Variants in PCDHGA5 observed in about 807,000 individuals in gnomAD.
PCDHGA5 encodes protocadherin gamma-A5.
In PCDHGA5, 36 loss-of-function variants were observed where a neutral mutation model predicts 56.7. That is an observed-to-expected ratio of 0.64 (90% CI 0.49 to 0.84). The LOEUF is 0.84. PCDHGA5 is among the 40% of genes least tolerant of loss of function. PCDHGA5 has a pLI of 0.00. For synonymous variants in PCDHGA5, 563 were observed against 520.2 expected (o/e 1.08, Z -1.12); for missense variants, 1,305 against 1,201.5 (o/e 1.09, Z -1.27).
At chr5:141,435,728 A>T (rs549219746) in intron 1 of PCDHGA5, among the ~76,000 whole-genome samples, 1 of 152,200 alleles carries the variant, frequency 6.6e-6, no homozygotes, top group Non-Finnish European at 1.5e-5. Flanking sequence ...GCTAAAGTGT[A>T]TTACTCTTTG....
At position 141,476,638 on chromosome 5, in the gene PCDHGA5, G is replaced by A. The variant is rs997136356; in HGVS notation, c.2422-18169G>A. On this transcript the variant is annotated intron_variant, in intron 1 of 3. Transcript: ENST00000518069. This position sits in a 1 kb window ranked among gnomAD's most constrained non-coding sequence, Gnocchi z 7.6. ...GCAACTCTTTACAAACCTATGAGCT[G>A]AGCCGAAATGAATACTTTGCGCTTC... 1.9e-6 allele frequency: 3 copies of A among 1,614,268 alleles called. No homozygotes were observed. Among genetic ancestry groups the A allele is most frequent in the Middle Eastern group, 1.6e-4 (1 of 6,062 alleles).
chr5:141,487,661 C>A lies in PCDHGA5; in HGVS notation c.2422-7146C>A. ...ACAAATGCTTGAGGGTTATTCTGATCCAGGCATATGGCTAGGCCATGTCCT... is the reference window on the plus strand; with the variant it reads ...ACAAATGCTTGAGGGTTATTCTGATACAGGCATATGGCTAGGCCATGTCCT... On this transcript the variant is annotated intron_variant, in intron 1 of 3. Transcript: ENST00000518069. This position sits in a 1 kb window ranked among gnomAD's most constrained non-coding sequence, Gnocchi z 5.0. The A allele has an allele frequency of 6.2e-7, 1 of 1,613,366 alleles. No homozygotes were observed. Among genetic ancestry groups the A allele is most frequent in the Non-Finnish European group, 8.5e-7 (1 of 1,179,646 alleles).
Position 141,364,525 on chromosome 5 carries a change from C to T in PCDHGA5, c.195C>T (p.Arg65=), listed in dbSNP as rs763615712. The T allele has an allele frequency of 6.2e-7, 1 of 1,613,944 alleles. No individual in the cohort carries two copies. Among genetic ancestry groups the T allele is most frequent in the African/African-American group, 1.3e-5 (1 of 74,954 alleles). Residue 65 remains arginine, a synonymous_variant, in exon 1 of 4, where the codon CGC becomes CGT. Transcript: ENST00000518069. ...EPQELAERGV[R]IVSRGRTQLF... ...AGGAGCTGGCGGAGCGCGGAGTCCGCATCGTCTCCAGAGGTAGGACGCAGC... is the reference window on the plus strand; with the variant it reads ...AGGAGCTGGCGGAGCGCGGAGTCCGTATCGTCTCCAGAGGTAGGACGCAGC...
At position 141,371,889 on chromosome 5, in the gene PCDHGA5, C is replaced by T. The variant is rs778087129; in HGVS notation, c.2421+5138C>T. 5 of 1,613,316 alleles carry T rather than the reference C, an allele frequency of 3.1e-6. No individual in the cohort carries two copies. The East Asian group carries it at 6.7e-5, about 22-fold the overall frequency. On this transcript the variant is annotated intron_variant, in intron 1 of 3. Coordinates refer to ENST00000518069, the MANE Select transcript of PCDHGA5 (RefSeq NM_018918.3). ...CATCGTGGCCAGTGACCTGGAGCCG[C>T]GGGAGCTGTCGTCCTACGTGTCCGT...
At chr5:141,498,338 G>A (rs2237079) in intron 2 of PCDHGA5, among the ~76,000 whole-genome samples, 68,665 of 151,630 alleles carry the variant, frequency 0.45, 15,766 homozygotes, top group Admixed American at 0.55. Flanking sequence ...CATTCCAAAT[G>A]GGAAAAGCCT....
intron 1 of PCDHGA5, chr5:141,414,147 A>G: frequency 6.3e-7 from 1 of 1,599,090 alleles, no homozygotes; most frequent in Non-Finnish European, 8.5e-7. Flanking sequence ...TAGAAATACA[A>G]GCAGAAGATG....
At position 141,489,559 on chromosome 5, in the gene PCDHGA5, C is replaced by A; in HGVS notation, c.2422-5248C>A. ...CAGCACCAGCTGCCTGCTGCCAGTG[C>A]AGGTGGTGACTGAACACCCCCTGGA... On this transcript the variant is annotated intron_variant, in intron 1 of 3. Coordinates refer to ENST00000518069, the MANE Select transcript of PCDHGA5 (RefSeq NM_018918.3). This position sits in a 1 kb window ranked among gnomAD's most constrained non-coding sequence, Gnocchi z 4.5. The A allele has an allele frequency of 6.2e-7, 1 of 1,614,078 alleles. No homozygotes were observed. The highest frequency in any genetic ancestry group is 8.5e-7 in the Non-Finnish European group (1 of 1,180,014).
chr5:141,425,585 A>T (rs1270579511), intron 1 of PCDHGA5, among the ~76,000 whole-genome samples: 1 of 152,252 alleles, frequency 6.6e-6, no homozygotes, highest in Non-Finnish European at 1.5e-5. Context: ...GGCTAACTTT[A>T]TTCTGAATAT....
In PCDHGA5 at chr5:141,432,129, A is replaced by T. The variant is rs758099753; in HGVS notation, c.2422-62678A>T. The T allele has an allele frequency of 6.2e-6, 10 of 1,614,054 alleles. No individual in the cohort carries two copies. In the South Asian group the frequency reaches 8.8e-5, roughly 14 times the overall value. On this transcript the variant is annotated intron_variant, in intron 1 of 3. Transcript: ENST00000518069. This position sits in a 1 kb window ranked among gnomAD's most constrained non-coding sequence, Gnocchi z 6.0. ...CCGCCGGTCTTCCCTCAGGCCTCCTATTCCGCTTATATCCCAGAGAACAAT... is the reference window on the plus strand; with the variant it reads ...CCGCCGGTCTTCCCTCAGGCCTCCTTTTCCGCTTATATCCCAGAGAACAAT...
intron 1 of PCDHGA5, chr5:141,427,267 A>C (rs1361287845): frequency 6.6e-6 from 3 of 456,648 alleles, no homozygotes; most frequent in Non-Finnish European, 1.3e-5. Flanking sequence ...ATGACCAGCG[A>C]ATGTAAAATT....
Position 141,491,757 on chromosome 5 carries a change from C to G in PCDHGA5, c.2422-3050C>G. ...CTGGGGGCGGCACTGGAGAAGCCGC[C>G]CGTCCTCATAAGGGATTGAACTTGC... On this transcript the variant is annotated intron_variant, in intron 1 of 3. Coordinates refer to ENST00000518069, the MANE Select transcript of PCDHGA5 (RefSeq NM_018918.3). This position sits in a 1 kb window ranked among gnomAD's most constrained non-coding sequence, Gnocchi z 6.9. 1 of 1,580,374 alleles carries G rather than the reference C, an allele frequency of 6.3e-7. No individual in the cohort carries two copies. The highest frequency in any genetic ancestry group is 1.9e-5 in the Admixed American group (1 of 53,534).
At position 141,491,137 on chromosome 5, in the gene PCDHGA5, GC is replaced by G. The variant is rs1373404184; in HGVS notation, c.2422-3668del. ...CACTGGTGAGGTGCGCACAGCCCGG[GC>G]CTTACTGGAGGATGACTCTGACACC... On this transcript the variant is annotated intron_variant, in intron 1 of 3. Transcript: ENST00000518069. This position sits in a 1 kb window ranked among gnomAD's most constrained non-coding sequence, Gnocchi z 6.9. The G allele has an allele frequency of 1.2e-6, 2 of 1,614,156 alleles. No individual in the cohort carries two copies. Among genetic ancestry groups the G allele is most frequent in the Non-Finnish European group, 1.7e-6 (2 of 1,180,008 alleles).
chr5:141,421,231 G>T (rs1368484504), intron 1 of PCDHGA5: 1 of 1,590,694 alleles, frequency 6.3e-7, no homozygotes, highest in South Asian at 1.1e-5. Context: ...GCCTGCCATG[G>T]CGAATCGGCT....
intron 1 of PCDHGA5, chr5:141,428,257 G>A: frequency 1.2e-6 from 1 of 865,864 alleles, no homozygotes; most frequent in Non-Finnish European, 1.9e-6. Context: ...AGACTTCAGT[G>A]ACAGTCCTGT....
intron 3 of PCDHGA5, 94 bp downstream of exon 3, chr5:141,505,575 C>T: frequency 6.3e-7 from 1 of 1,592,302 alleles, no homozygotes. Context: ...GATGTCAAAC[C>T]TGTGTAGTTT....
chr5:141,416,223 A>AT, intron 1 of PCDHGA5: 1 of 152,302 alleles, frequency 6.6e-6, no homozygotes, highest in East Asian at 1.9e-4. Flanking sequence ...GTATGCTTAG[A>AT]TTTTTCCAGC....
At chr5:141,450,460 TTATA>T (rs1234300844) in intron 1 of PCDHGA5, among the ~76,000 whole-genome samples, 1 of 152,104 alleles carries the variant, frequency 6.6e-6, no homozygotes, top group Non-Finnish European at 1.5e-5. Flanking sequence ...CCTCGTGATT[TTATA>T]TATAGAGTTT....
chr5:141,415,380 C>G (rs759710024), intron 1 of PCDHGA5: 1 of 1,614,250 alleles, frequency 6.2e-7, no homozygotes, highest in South Asian at 1.1e-5. Flanking sequence ...CAGGAGGCGG[C>G]TTGACAGGTG....
chr5:141,433,389 A>G (rs1157605590), intron 1 of PCDHGA5, among the ~76,000 whole-genome samples: 2 of 151,108 alleles, frequency 1.3e-5, no homozygotes, highest in African/African-American at 2.4e-5. Context: ...CTATCTATCT[A>G]TCTATCTATC....
Sources: allele counts gnomAD v4.1 joint callset (sites outside exome capture counted in the v4.1 genomes callset), GRCh38; gene constraint gnomAD v4.1.1; non-coding constraint Gnocchi (gnomAD v3.1); transcripts MANE v1.5; gene names NCBI Gene and HGNC (gene_info 2026-07-23, HGNC 2026-07-21).